Variants in MAP2K6 observed in about 807,000 individuals in gnomAD.
MAP2K6 encodes mitogen-activated protein kinase kinase 6, also known as dual specificity mitogen-activated protein kinase kinase 6.
In MAP2K6, 16 loss-of-function variants were observed where a neutral mutation model predicts 53.7. The ratio of observed to expected loss-of-function variants is 0.30; its 90% CI spans 0.20 to 0.45. The LOEUF is 0.45. MAP2K6 is among the 20% of genes least tolerant of loss of function. The pLI is 1.00. For missense variants in MAP2K6, 204 were observed against 411.9 expected (o/e 0.50, Z 4.37); for synonymous variants, 132 against 143.1 (o/e 0.92, Z 0.55).
chr17:69,432,710 A>T (rs1037800013), intron 1 of MAP2K6, among the ~76,000 whole-genome samples: 1 of 151,804 alleles, frequency 6.6e-6, no homozygotes, highest in African/African-American at 2.4e-5. Context: ...GGGGCTTAAT[A>T]CCTAGGTGAT....
intron 1 of MAP2K6, among the ~76,000 whole-genome samples, chr17:69,444,377 G>A (rs1401822855): frequency 1.3e-5 from 2 of 152,152 alleles, no homozygotes; most frequent in East Asian, 3.8e-4. Flanking sequence ...TTTGTTAAAA[G>A]AAACGAATTC....
chr17:69,473,802 A>G (rs903937755), intron 1 of MAP2K6, among the ~76,000 whole-genome samples: 7 of 152,150 alleles, frequency 4.6e-5, no homozygotes, highest in South Asian at 2.1e-4. Context: ...CAATATATCT[A>G]TTTTCAAGGT....
chr17:69,497,098 A>G (rs997098539), intron 1 of MAP2K6, among the ~76,000 whole-genome samples: 7 of 152,180 alleles, frequency 4.6e-5, no homozygotes, highest in African/African-American at 4.8e-5. Flanking sequence ...CAAGCAGCTT[A>G]TTTGTGAGCC....
At chr17:69,509,246 A>G (rs1214232035) in intron 2 of MAP2K6, among the ~76,000 whole-genome samples, 2 of 152,214 alleles carry the variant, frequency 1.3e-5, no homozygotes, top group African/African-American at 2.4e-5. Flanking sequence ...CAAACATGGT[A>G]TATTTCTTCA....
chr17:69,515,417 A>G (rs1910091499), intron 2 of MAP2K6, among the ~76,000 whole-genome samples: 1 of 152,170 alleles, frequency 6.6e-6, no homozygotes, highest in Non-Finnish European at 1.5e-5. Context: ...TCAGCCTCCC[A>G]AAGTGCTGGG....
intron 1 of MAP2K6, among the ~76,000 whole-genome samples, chr17:69,431,355 CTTATAA>C (rs1403857131): frequency 6.6e-6 from 1 of 150,884 alleles, no homozygotes; most frequent in Non-Finnish European, 1.5e-5. Flanking sequence ...ATAATTATGT[CTTATAA>C]TTATATATAA....
intron 1 of MAP2K6, among the ~76,000 whole-genome samples, chr17:69,463,677 C>T (rs2586542): frequency 0.83 from 126,273 of 151,270 alleles, 53,000 homozygotes; most frequent in African/African-American, 0.9. Flanking sequence ...TATGTATATA[C>T]ACACACACAC....
At chr17:69,440,411 C>T (rs1222351100) in intron 1 of MAP2K6, among the ~76,000 whole-genome samples, 2 of 152,162 alleles carry the variant, frequency 1.3e-5, no homozygotes, top group African/African-American at 4.8e-5. Flanking sequence ...ACCCCAGCCT[C>T]ACCCAATATA....
intron 7 of MAP2K6, among the ~76,000 whole-genome samples, chr17:69,522,705 A>G (rs1370038907): frequency 6.6e-6 from 1 of 152,076 alleles, no homozygotes; most frequent in African/African-American, 2.4e-5. Context: ...ACCTGGGTTT[A>G]TGATCCTTTA....
At chr17:69,509,791 G>T (rs558968628) in intron 2 of MAP2K6, among the ~76,000 whole-genome samples, 1 of 152,022 alleles carries the variant, frequency 6.6e-6, no homozygotes, top group Admixed American at 6.5e-5. Context: ...AGGTTGAAAA[G>T]GTTCCCAACT....
At chr17:69,453,227 C>G (rs1907289686) in intron 1 of MAP2K6, among the ~76,000 whole-genome samples, 1 of 152,176 alleles carries the variant, frequency 6.6e-6, no homozygotes, top group African/African-American at 2.4e-5. Flanking sequence ...GAGCAGTGGT[C>G]TGAAAACTTT....
intron 1 of MAP2K6, among the ~76,000 whole-genome samples, chr17:69,421,987 C>A (rs1054996372): frequency 6.6e-6 from 1 of 152,096 alleles, no homozygotes; most frequent in Non-Finnish European, 1.5e-5. Context: ...GCTTGTACCC[C>A]ACTCTGTCTC....
chr17:69,486,902 C>T (rs57643001), intron 1 of MAP2K6, among the ~76,000 whole-genome samples: 2,035 of 152,266 alleles, frequency 0.013, 53 homozygotes, highest in African/African-American at 0.046. Flanking sequence ...ATCAGCTAGT[C>T]GATTGCCCAA....
At chr17:69,520,450 G>C (rs1169003301) in intron 6 of MAP2K6, 64 bp downstream of exon 6, 2 of 934,716 alleles carry the variant, frequency 2.1e-6, no homozygotes, top group African/African-American at 3.3e-5. Flanking sequence ...TGTGTCTTTG[G>C]ACCTCAGTAT....
chr17:69,425,458 G>A (rs1335170548), intron 1 of MAP2K6, among the ~76,000 whole-genome samples: 3 of 151,826 alleles, frequency 2.0e-5, no homozygotes, highest in East Asian at 3.9e-4. Context: ...GATTACAGGC[G>A]CCCACCACCA....
At chr17:69,443,519 T>C (rs1339042827) in intron 1 of MAP2K6, among the ~76,000 whole-genome samples, 1 of 152,222 alleles carries the variant, frequency 6.6e-6, no homozygotes, top group East Asian at 1.9e-4. Flanking sequence ...ATCTGAGCGG[T>C]TATTCTACAG....
At chr17:69,516,421 G>C (rs577238268) in intron 2 of MAP2K6, among the ~76,000 whole-genome samples, 1 of 152,150 alleles carries the variant, frequency 6.6e-6, no homozygotes, top group African/African-American at 2.4e-5. Flanking sequence ...GTAAGTACAG[G>C]TGAAGCTTCT....
chr17:69,491,051 C>T (rs998516287), intron 1 of MAP2K6, among the ~76,000 whole-genome samples: 2 of 151,966 alleles, frequency 1.3e-5, no homozygotes, highest in Non-Finnish European at 2.9e-5. Flanking sequence ...GATGTGATCT[C>T]GTTCTTTTTT....
rs747340497 is a variant in MAP2K6 at position 69,526,738 on chromosome 17, G to A, written c.881+29G>A. On this transcript the variant is annotated intron_variant, in intron 10 of 11. Transcript: ENST00000590474. ...AGACAGCCTCACCTCCCAAGTGTCA[G>A]TGTGAAAGAAGAAGATGAGTTCTCA... 2.3e-5 allele frequency: 37 copies of A among 1,603,318 alleles called. No homozygotes were observed. In the South Asian group the frequency reaches 3.9e-4, roughly 17 times the overall value.
Sources: gnomAD v4.1 joint callset for allele counts (sites outside exome capture counted in the v4.1 genomes callset) on GRCh38, gnomAD v4.1.1 for gene constraint, MANE v1.5 for transcripts, NCBI Gene and HGNC (gene_info 2026-07-23, HGNC 2026-07-21) for gene names.